The following CCDC170 variants were observed in gnomAD, a reference collection of about 807,000 sequenced individuals.
CCDC170 encodes the protein coiled-coil domain-containing protein 170.
CCDC170 carries 69 observed loss-of-function variants against 72.6 expected under a neutral mutation model. The ratio of observed to expected loss-of-function variants is 0.95; its 90% confidence interval spans 0.78 to 1.16. CCDC170 has a LOEUF of 1.16. Ranked by LOEUF, CCDC170 falls within the 50% of genes most tolerant of loss-of-function variation. The probability of loss-of-function intolerance (pLI) is 0.00; values close to 1 mark genes in which losing one functional copy is unlikely to be tolerated. For missense variants in CCDC170, 852 were observed against 832.5 expected (o/e 1.02, Z -0.29); for synonymous variants, 300 against 303.9 (o/e 0.99, Z 0.13).
Position 151,546,259 on chromosome 6 carries a change from C to T in CCDC170, c.588+1543C>T, listed in dbSNP as rs566931474. Among the ~76,000 whole-genome samples, 12 of 152,264 alleles carry T rather than the reference C, an allele frequency of 7.9e-5. 1 individual carries two copies. The South Asian group carries it at 2.1e-3, about 26-fold the overall frequency. Reference sequence around the variant, plus strand: ...GCTCTCATGGGTGCTGGATGCCTCTCCTCCTCCCTATGGCTAACTTGTGAC... The same window carrying T: ...GCTCTCATGGGTGCTGGATGCCTCTTCTCCTCCCTATGGCTAACTTGTGAC... On this transcript the variant is annotated intron_variant, in intron 4 of 10. Coordinates refer to ENST00000239374, the MANE Select transcript of CCDC170 (RefSeq NM_025059.4).
intron 5 of CCDC170, among the ~76,000 whole-genome samples, chr6:151,554,242 C>T (rs1782938213): frequency 6.6e-6 from 1 of 152,210 alleles, no homozygotes; most frequent in East Asian, 1.9e-4. Context: ...GGGCAAGCCA[C>T]ACACCCATTT....
At chr6:151,617,871 T>G in intron 10 of CCDC170, 76 bp from the exon 11 acceptor site, 1 of 1,430,972 alleles carries the variant, frequency 7.0e-7, no homozygotes, top group Non-Finnish European at 9.5e-7. Context: ...ACAGGTTTTT[T>G]GTTTGTTGCA....
rs1333052729 is a variant in CCDC170 at position 151,596,650 on chromosome 6, C to A, written c.1710+73C>A. 3 of 1,568,788 alleles carry A rather than the reference C, an allele frequency of 1.9e-6. No individual in the cohort carries two copies. The African/African-American group carries it at 4.1e-5, about 21-fold the overall frequency. ...AATGTTTTATGCAAAAGAATGACAG[C>A]TTTATCGGGACACGCCAGAAGAAGA... On this transcript the variant is annotated intron_variant, in intron 9 of 10. Coordinates refer to ENST00000239374, the MANE Select transcript of CCDC170 (RefSeq NM_025059.4).
At chr6:151,506,415 C>T (rs1378508734) in intron 1 of CCDC170, among the ~76,000 whole-genome samples, 1 of 152,144 alleles carries the variant, frequency 6.6e-6, no homozygotes, top group East Asian at 1.9e-4. Context: ...GAGATCAATG[C>T]CTGTGCTTCT....
intron 2 of CCDC170, among the ~76,000 whole-genome samples, chr6:151,536,790 A>G (rs982919670): frequency 4.0e-5 from 6 of 151,262 alleles, no homozygotes; most frequent in African/African-American, 1.5e-4. Context: ...AAAAAAAAAA[A>G]AAAAAAAAGA....
At chr6:151,532,015 A>T (rs930472876) in intron 1 of CCDC170, among the ~76,000 whole-genome samples, 1 of 152,192 alleles carries the variant, frequency 6.6e-6, no homozygotes, top group Non-Finnish European at 1.5e-5. Flanking sequence ...ACACATCCAA[A>T]CCATATCAAA....
intron 1 of CCDC170, among the ~76,000 whole-genome samples, chr6:151,510,642 C>G (rs2115025171): frequency 6.6e-6 from 1 of 152,276 alleles, no homozygotes; most frequent in Admixed American, 6.5e-5. Context: ...TTAGTCAGGA[C>G]ACTCATAACA....
intron 9 of CCDC170, among the ~76,000 whole-genome samples, chr6:151,603,229 TC>T (rs1776737216): frequency 1.3e-5 from 2 of 151,278 alleles, no homozygotes; most frequent in African/African-American, 4.9e-5. Flanking sequence ...AAGTTTATTA[TC>T]TTTTGAGTTT....
chr6:151,536,481 CCTTCTTAG>C, intron 2 of CCDC170, 35 bp downstream of exon 2: 2 of 1,608,932 alleles, frequency 1.2e-6, no homozygotes, highest in East Asian at 2.2e-5. Flanking sequence ...CAGAAATGGG[CCTTCTTAG>C]CTTCTTATAA....
intron 5 of CCDC170, among the ~76,000 whole-genome samples, chr6:151,566,909 T>C (rs1034139227): frequency 6.6e-6 from 1 of 152,192 alleles, no homozygotes; most frequent in Non-Finnish European, 1.5e-5. Context: ...TTTCAGTGCC[T>C]GTTGTATAGG....
chr6:151,498,339 A>G (rs1781940857), intron 1 of CCDC170, among the ~76,000 whole-genome samples: 1 of 152,254 alleles, frequency 6.6e-6, no homozygotes, highest in South Asian at 2.1e-4. Context: ...AGCTAACTAT[A>G]AAGGAGTTAA....
At chr6:151,515,765 A>G (rs1782225137) in intron 1 of CCDC170, among the ~76,000 whole-genome samples, 1 of 152,210 alleles carries the variant, frequency 6.6e-6, no homozygotes, top group Non-Finnish European at 1.5e-5. Context: ...TTGCAGGACC[A>G]CTTAAAAATA....
At chr6:151,504,099 C>T (rs936337110) in intron 1 of CCDC170, among the ~76,000 whole-genome samples, 10 of 152,162 alleles carry the variant, frequency 6.6e-5, no homozygotes, top group Non-Finnish European at 1.3e-4. Flanking sequence ...TTAGAAAATA[C>T]AAGCTGAAGT....
At chr6:151,509,307 A>G (rs1212095211) in intron 1 of CCDC170, among the ~76,000 whole-genome samples, 1 of 151,964 alleles carries the variant, frequency 6.6e-6, no homozygotes, top group African/African-American at 2.4e-5. Context: ...GTCAACAGGG[A>G]CTTCTCATTC....
intron 6 of CCDC170, among the ~76,000 whole-genome samples, chr6:151,582,222 G>T (rs553218135): frequency 6.6e-6 from 1 of 152,294 alleles, no homozygotes; most frequent in Admixed American, 6.5e-5. Context: ...CTGTTGTTTG[G>T]TGTCGCCACC....
intron 1 of CCDC170, among the ~76,000 whole-genome samples, chr6:151,505,577 G>C (rs893861671): frequency 1.3e-5 from 2 of 151,968 alleles, no homozygotes; most frequent in Admixed American, 6.6e-5. Context: ...CCAGCTACCC[G>C]GGAGGTTGAG....
intron 6 of CCDC170, among the ~76,000 whole-genome samples, chr6:151,585,030 T>C (rs978945461): frequency 2.6e-5 from 4 of 152,212 alleles, no homozygotes; most frequent in African/African-American, 7.2e-5. Context: ...GGTGGTTTTA[T>C]TGAATTCAAC....
At position 151,544,885 on chromosome 6, in the gene CCDC170, C is replaced by G. The variant is rs1229825392; in HGVS notation, c.588+169C>G. ...GGACAAGTCACGTCACCTGCCTGAG[C>G]CTCAATTCCAAGATCTTTTCTAGCA... On this transcript the variant is annotated intron_variant, in intron 4 of 10. Coordinates refer to ENST00000239374, the MANE Select transcript of CCDC170 (RefSeq NM_025059.4). 2.0e-5 allele frequency among the ~76,000 whole-genome samples: 3 copies of G among 152,210 alleles called. No individual in the cohort carries two copies. In the East Asian group the frequency reaches 5.8e-4, roughly 29 times the overall value.
chr6:151,590,111 T>G (rs1776512339), intron 7 of CCDC170, among the ~76,000 whole-genome samples: 2 of 152,118 alleles, frequency 1.3e-5, no homozygotes, highest in Non-Finnish European at 2.9e-5. Context: ...CTGGCAGTCT[T>G]CCCTAAGAGA....
Sources: gnomAD v4.1 joint callset for allele counts (sites outside exome capture counted in the v4.1 genomes callset) on GRCh38, gnomAD v4.1.1 for gene constraint, MANE v1.5 for transcripts, NCBI Gene and HGNC (gene_info 2026-07-23, HGNC 2026-07-21) for gene names.